Variants in ACACA observed in about 807,000 individuals in gnomAD.
ACACA encodes the protein acetyl-CoA carboxylase alpha.
A neutral mutation model predicts 296.1 loss-of-function variants in ACACA; 103 were observed. The observed-to-expected ratio is 0.35, with a 90% CI of 0.30 to 0.41. The LOEUF (loss-of-function observed/expected upper bound fraction) is 0.41, where lower values mean the gene tolerates loss of function less well. Among genes scored for constraint, ACACA ranks in the 10% least tolerant of loss-of-function variants. ACACA has a pLI of 1.00. For synonymous variants in ACACA, 953 were observed against 1,038.6 expected, an observed-to-expected ratio of 0.92 and a Z score of 1.58; for missense variants, 1,554 against 2,989.7, an observed-to-expected ratio of 0.52 and a Z score of 11.20.
chr17:37,119,560 A>C (rs536482123), intron 50 of ACACA, among the ~76,000 whole-genome samples: 211 of 150,704 alleles, frequency 1.4e-3, no homozygotes, highest in Non-Finnish European at 2.1e-3. Flanking sequence ...TTCTCCAGCA[A>C]ATACAGGCAA....
chr17:37,298,089 C>T (rs1034813808), intron 3 of ACACA, among the ~76,000 whole-genome samples: 5 of 152,260 alleles, frequency 3.3e-5, no homozygotes, highest in African/African-American at 1.2e-4. Context: ...TACAGAGTAG[C>T]TGGTACTACA....
chr17:37,229,658 C>CT (rs886183956), intron 25 of ACACA, among the ~76,000 whole-genome samples: 2 of 151,884 alleles, frequency 1.3e-5, no homozygotes, highest in African/African-American at 2.4e-5. Context: ...CGTAAAAGCA[C>CT]TTTTTTTTAA....
chr17:37,370,062 G>A (rs951275003), intron 1 of ACACA, among the ~76,000 whole-genome samples: 7 of 148,508 alleles, frequency 4.7e-5, no homozygotes, highest in African/African-American at 1.5e-4. Context: ...AGGCTGGAGT[G>A]CAGTGGCCCA....
intron 3 of ACACA, among the ~76,000 whole-genome samples, chr17:37,294,725 A>C (rs1319309031): frequency 6.6e-6 from 1 of 152,238 alleles, no homozygotes; most frequent in Non-Finnish European, 1.5e-5. Context: ...GAAAATTCTA[A>C]GGAGGGCTTA....
intron 38 of ACACA, 123 bp downstream of exon 38, chr17:37,190,997 C>T: frequency 8.4e-7 from 1 of 1,187,774 alleles, no homozygotes; most frequent in South Asian, 1.3e-5. Context: ...ATAAACTTTA[C>T]AGATTAAGGG....
chr17:37,305,130 G>A (rs1007838866), intron 3 of ACACA, among the ~76,000 whole-genome samples: 18 of 151,974 alleles, frequency 1.2e-4, no homozygotes, highest in South Asian at 4.2e-4. Flanking sequence ...CATGTCTCAC[G>A]GCTTTTTAAT....
At chr17:37,251,329 T>C (rs1226474772) in intron 16 of ACACA, among the ~76,000 whole-genome samples, 1 of 152,208 alleles carries the variant, frequency 6.6e-6, no homozygotes, top group Non-Finnish European at 1.5e-5. Context: ...AAGATACTTA[T>C]CATAGGACTT....
chr17:37,231,261 T>C (rs553711215), intron 25 of ACACA, among the ~76,000 whole-genome samples: 1 of 150,968 alleles, frequency 6.6e-6, no homozygotes, highest in African/African-American at 2.4e-5. Flanking sequence ...CACAGTTGAC[T>C]GACAGAAGAA....
chr17:37,129,235 C>T, intron 47 of ACACA, 130 bp downstream of exon 47: 1 of 1,301,332 alleles, frequency 7.7e-7, no homozygotes, highest in Non-Finnish European at 1.1e-6. Flanking sequence ...GTTTTCAGGT[C>T]TTTCTCATTT....
In ACACA at chr17:37,179,368, T is replaced by C. The variant is rs780339923; in HGVS notation, c.4971A>G (p.Ala1657=). 10 of 1,614,026 alleles carry C rather than the reference T, an allele frequency of 6.2e-6. No homozygotes were observed. Among genetic ancestry groups the C allele is most frequent in the Non-Finnish European group, 8.5e-6 (10 of 1,180,010 alleles). ...AAGGCAGAGGGGGAGATGGAAGAAA[T>C]GCTTGAGTGGACATAGACTCCCAGA... ...IKLWESMSTQ[A]FLPSPPLPSD... Residue 1657 remains alanine (A), a synonymous_variant, in exon 41 of 56, where the codon GCA becomes GCG. Coordinates refer to ENST00000616317, the MANE Select transcript of ACACA (RefSeq NM_198834.3).
At chr17:37,102,253 G>A (rs1328717192) in intron 52 of ACACA, among the ~76,000 whole-genome samples, 1 of 137,098 alleles carries the variant, frequency 7.3e-6, no homozygotes, top group African/African-American at 2.8e-5. Context: ...CGCCCAGGCT[G>A]GAGTGCAGTG....
In ACACA at chr17:37,277,575, C is replaced by A. The variant is rs547515093; in HGVS notation, c.720+321G>T. On this transcript the variant is annotated intron_variant, in intron 6 of 55. Transcript: ENST00000616317. ...AATGTGACAGGGAAGAAACAGCCTA[C>A]TTCTTTAATATACCACCATCCTTTA... 1.1e-4 allele frequency among the ~76,000 whole-genome samples: 17 copies of A among 152,336 alleles called. 1 individual carries two copies. The South Asian group carries it at 3.5e-3, about 32-fold the overall frequency.
intron 27 of ACACA, among the ~76,000 whole-genome samples, chr17:37,224,653 GTA>G (rs147136525): frequency 4.3e-4 from 63 of 147,978 alleles, no homozygotes; most frequent in Admixed American, 4.1e-4. Flanking sequence ...ATGTGTGTGT[GTA>G]TATATATATA....
chr17:37,328,208 C>A (rs2047706912), intron 3 of ACACA, among the ~76,000 whole-genome samples: 1 of 152,168 alleles, frequency 6.6e-6, no homozygotes, highest in East Asian at 1.9e-4. Flanking sequence ...AATCCAAGTT[C>A]TCTGGCTATT....
chr17:37,212,601 A>G (rs535447645), intron 29 of ACACA, among the ~76,000 whole-genome samples: 67 of 152,230 alleles, frequency 4.4e-4, no homozygotes, highest in African/African-American at 1.5e-3. Context: ...ATTAACAGAT[A>G]AATATTTGGT....
chr17:37,116,964 A>G (rs1160977686), intron 50 of ACACA, among the ~76,000 whole-genome samples: 1 of 152,186 alleles, frequency 6.6e-6, no homozygotes, highest in Non-Finnish European at 1.5e-5. Context: ...TAGGTTCCTC[A>G]CTGGAGAGGC....
At chr17:37,172,749 C>A (rs1382204997) in intron 41 of ACACA, among the ~76,000 whole-genome samples, 1 of 152,106 alleles carries the variant, frequency 6.6e-6, no homozygotes, top group East Asian at 1.9e-4. Context: ...CATAATTATA[C>A]ATAATCATAT....
intron 39 of ACACA, among the ~76,000 whole-genome samples, chr17:37,183,253 G>A (rs559487639): frequency 2.7e-4 from 41 of 152,282 alleles, no homozygotes; most frequent in Non-Finnish European, 4.9e-4. Flanking sequence ...GTGCACTGAG[G>A]AAGGGGATTG....
At chr17:37,229,473 T>C (rs2145775892) in intron 25 of ACACA, among the ~76,000 whole-genome samples, 1 of 151,648 alleles carries the variant, frequency 6.6e-6, no homozygotes, top group East Asian at 2.1e-4. Flanking sequence ...CCGGCTAATT[T>C]TTTGTATTTT....
Sources: allele counts gnomAD v4.1 joint callset (sites outside exome capture counted in the v4.1 genomes callset), GRCh38; gene constraint gnomAD v4.1.1; transcripts MANE v1.5; gene names NCBI Gene and HGNC (gene_info 2026-07-23, HGNC 2026-07-21).